RORA: variants seen among roughly 807,000 people sequenced by gnomAD.
RORA encodes nuclear receptor ROR-alpha.
In RORA, 7 loss-of-function variants were observed where a neutral mutation model predicts 69.5. The observed-to-expected ratio is 0.10, with a 90% CI of 0.06 to 0.19. The LOEUF (loss-of-function observed/expected upper bound fraction) is 0.19, where lower values mean the gene tolerates loss of function less well. RORA is among the 10% of genes least tolerant of loss of function. The pLI is 1.00. For synonymous variants in RORA, 261 were observed against 240.8 expected (o/e 1.08, Z -0.78); for missense variants, 457 against 663.0 (o/e 0.69, Z 3.41).
Position 60,495,881 on chromosome 15 carries a change from TAAAC to T in RORA, c.*1570_*1573del, listed in dbSNP as rs2065155728. 1 of 149,826 alleles carries T rather than the reference TAAAC, an allele frequency of 6.7e-6. No individual in the cohort carries two copies. Among genetic ancestry groups the T allele is most frequent in the Non-Finnish European group, 1.5e-5 (1 of 67,436 alleles). 9.3% of individuals were successfully genotyped at this position (149,826 alleles called of 1,614,324 possible). A position where few individuals can be genotyped will look rare whatever the true frequency, so the allele number is the denominator to read the frequency against. ...ATTAAAAAAAAAAAAACCATGAAAT[TAAAC>T]AAAAACAACTCAGTATTTCTCACCT... On this transcript the variant is annotated 3_prime_UTR_variant, in exon 11 of 11. Coordinates refer to ENST00000335670, the MANE Select transcript of RORA (RefSeq NM_134261.3).
intron 1 of RORA, among the ~76,000 whole-genome samples, chr15:61,205,898 GT>G (rs1323406107): frequency 1.3e-5 from 2 of 152,158 alleles, no homozygotes; most frequent in African/African-American, 2.4e-5. Context: ...CCTGGGGTTG[GT>G]GGTATGGTAG....
intron 1 of RORA, among the ~76,000 whole-genome samples, chr15:60,907,224 C>T (rs183804924): frequency 9.2e-5 from 14 of 152,182 alleles, no homozygotes; most frequent in East Asian, 7.7e-4. Context: ...CAGGGCTACA[C>T]GGCACAGAAG....
At chr15:60,622,160 A>C (rs1425829657) in intron 2 of RORA, among the ~76,000 whole-genome samples, 2 of 151,504 alleles carry the variant, frequency 1.3e-5, no homozygotes, top group Non-Finnish European at 2.9e-5. Flanking sequence ...AATGATAAGC[A>C]AGTAGAGCAC....
At position 61,131,282 on chromosome 15, in the gene RORA, C is replaced by T. The variant is rs985227469; in HGVS notation, c.166+97771G>A. ...CTTGTGATTCAGCAAAATGCTTTCA[C>T]TCTTTGTGTATTTATCTGTTAATAA... On this transcript the variant is annotated intron_variant, in intron 1 of 10. Transcript: ENST00000335670. This position sits in a 1 kb window ranked among gnomAD's most constrained non-coding sequence, Gnocchi z 4.2. Among the ~76,000 whole-genome samples, 2 of 152,254 alleles carry T rather than the reference C, an allele frequency of 1.3e-5. No individual in the cohort carries two copies. The highest frequency in any genetic ancestry group is 2.4e-5 in the African/African-American group (1 of 41,460).
intron 2 of RORA, chr15:60,558,497 A>T: frequency 6.0e-6 from 3 of 499,590 alleles, no homozygotes; most frequent in Non-Finnish European, 7.1e-6. Flanking sequence ...AGTCCTGTTA[A>T]CTAAGACTGG....
At chr15:60,974,185 T>C (rs561716351) in intron 1 of RORA, among the ~76,000 whole-genome samples, 8 of 152,154 alleles carry the variant, frequency 5.3e-5, no homozygotes, top group Non-Finnish European at 1.0e-4. Context: ...TCAAGGAGCA[T>C]CAGATTCTCC....
intron 1 of RORA, among the ~76,000 whole-genome samples, chr15:61,185,343 T>C (rs1159104208): frequency 6.6e-6 from 1 of 151,874 alleles, no homozygotes; most frequent in Non-Finnish European, 1.5e-5. Flanking sequence ...TAATGTTCAA[T>C]AAGAGGACAA....
At chr15:60,970,374 C>G (rs1236779870) in intron 1 of RORA, among the ~76,000 whole-genome samples, 1 of 152,218 alleles carries the variant, frequency 6.6e-6, no homozygotes, top group Non-Finnish European at 1.5e-5. Flanking sequence ...ATTCCCACTT[C>G]TCTGCCTTTG....
chr15:60,855,064 G>A (rs577852952), intron 1 of RORA, among the ~76,000 whole-genome samples: 47 of 152,348 alleles, frequency 3.1e-4, no homozygotes, highest in African/African-American at 1.0e-3. Context: ...CAGAGCTTAC[G>A]ATTGTGCTTG....
At chr15:60,509,805 A>T (rs888072789) in intron 5 of RORA, among the ~76,000 whole-genome samples, 2 of 151,642 alleles carry the variant, frequency 1.3e-5, no homozygotes, top group African/African-American at 2.4e-5. Context: ...AAAAAAAAAA[A>T]AAATCAAACC....
chr15:60,856,445 G>A (rs1334019317), intron 1 of RORA, among the ~76,000 whole-genome samples: 2 of 151,846 alleles, frequency 1.3e-5, no homozygotes, highest in Admixed American at 1.3e-4. Flanking sequence ...AGAATCTCTT[G>A]GGGTGAAGAG....
intron 1 of RORA, among the ~76,000 whole-genome samples, chr15:60,693,161 A>C (rs1472429283): frequency 6.6e-6 from 1 of 152,234 alleles, no homozygotes; most frequent in Admixed American, 6.5e-5. Context: ...CAAATCAATA[A>C]ATGTAATTCA....
At chr15:61,185,615 C>T (rs1221948032) in intron 1 of RORA, among the ~76,000 whole-genome samples, 3 of 152,210 alleles carry the variant, frequency 2.0e-5, no homozygotes, top group African/African-American at 7.2e-5. Context: ...TCTCTTTTGG[C>T]TCCCACATTC....
chr15:60,773,469 T>C (rs2072109222), intron 1 of RORA, among the ~76,000 whole-genome samples: 1 of 152,202 alleles, frequency 6.6e-6, no homozygotes, highest in Admixed American at 6.5e-5. Flanking sequence ...AGCTGAGTTA[T>C]GAACTTCAAA....
intron 1 of RORA, among the ~76,000 whole-genome samples, chr15:60,790,639 T>A (rs1224873321): frequency 2.0e-5 from 3 of 152,174 alleles, no homozygotes; most frequent in Non-Finnish European, 2.9e-5. Flanking sequence ...CCTGCAGATG[T>A]TTTCAACTGA....
At chr15:60,592,660 C>T (rs939077106) in intron 2 of RORA, 77 of 1,084,766 alleles carry the variant, frequency 7.1e-5, no homozygotes, top group Non-Finnish European at 8.1e-5. Flanking sequence ...AGGCGGGAGG[C>T]AGGCGCGCCC....
At chr15:61,132,312 AT>A (rs915212644) in intron 1 of RORA, among the ~76,000 whole-genome samples, 4 of 152,126 alleles carry the variant, frequency 2.6e-5, no homozygotes, top group African/African-American at 9.7e-5. Context: ...TGTTTGAATG[AT>A]TGATAAACCA....
intron 2 of RORA, among the ~76,000 whole-genome samples, chr15:60,557,857 A>G (rs1191648963): frequency 1.3e-5 from 2 of 152,162 alleles, no homozygotes; most frequent in African/African-American, 4.8e-5. Flanking sequence ...AAGTAAACAC[A>G]TGAAAACAAA....
chr15:60,907,873 T>C (rs1047105104), intron 1 of RORA, among the ~76,000 whole-genome samples: 3 of 152,168 alleles, frequency 2.0e-5, no homozygotes, highest in Admixed American at 6.5e-5. Context: ...ACTCAAACAC[T>C]AATTTTTCAG....
Sources: gnomAD v4.1 joint callset for allele counts (sites outside exome capture counted in the v4.1 genomes callset) on GRCh38, gnomAD v4.1.1 for gene constraint, Gnocchi (gnomAD v3.1) non-coding constraint, MANE v1.5 for transcripts, NCBI Gene and HGNC (gene_info 2026-07-23, HGNC 2026-07-21) for gene names.